The following EXOC6 variants were observed in gnomAD, a reference collection of about 807,000 sequenced individuals.
EXOC6 encodes SEC15-like 1.
A neutral mutation model predicts 112.5 loss-of-function variants in EXOC6; 60 were observed. The ratio of observed to expected loss-of-function variants is 0.53; its 90% CI spans 0.43 to 0.66. The LOEUF (loss-of-function observed/expected upper bound fraction) is 0.66, where lower values mean the gene tolerates loss of function less well. EXOC6 is among the 30% of genes least tolerant of loss of function. EXOC6 has a pLI of 0.00. For synonymous variants in EXOC6, 295 were observed against 308.0 expected (o/e 0.96, Z 0.44); for missense variants, 855 against 957.1 (o/e 0.89, Z 1.41).
At chr10:93,050,759 C>CAAAAAAAAAAAAAAAAAAAAAAAAAAA (rs58439083) in intron 20 of EXOC6, among the ~76,000 whole-genome samples, 1 of 37,308 alleles carries the variant, frequency 2.7e-5, no homozygotes, top group African/African-American at 1.1e-4. Context: ...GACTCCGTCT[C>CAAAAAAAAAAAAAAAAAAAAAAAAAAA]AAAAAAAAAA....
Position 92,899,564 on chromosome 10 carries a change from T to C in EXOC6, c.413-35T>C, listed in dbSNP as rs201434754. The C allele has an allele frequency of 7.7e-4, 1,124 of 1,455,106 alleles. 6 individuals carry two copies. The African/African-American group carries it at 0.014, about 18-fold the overall frequency. 90.1% of individuals were successfully genotyped at this position (1,455,106 alleles called of 1,614,324 possible). ...CATGTCTCAAAATATTTTCTTTTCATTTTGAAAGCTAAAATGTTATATTTT... is the reference window on the plus strand; with the variant it reads ...CATGTCTCAAAATATTTTCTTTTCACTTTGAAAGCTAAAATGTTATATTTT... On this transcript the variant is annotated intron_variant, in intron 4 of 21. Coordinates refer to ENST00000260762, the MANE Select transcript of EXOC6 (RefSeq NM_019053.6).
intron 9 of EXOC6, among the ~76,000 whole-genome samples, chr10:92,932,301 G>T (rs1852086349): frequency 6.6e-6 from 1 of 152,146 alleles, no homozygotes; most frequent in African/African-American, 2.4e-5. Flanking sequence ...GGTTCGGCAG[G>T]ATAATTCTCT....
At chr10:92,842,452 A>G (rs555270070) in intron 1 of EXOC6, among the ~76,000 whole-genome samples, 2 of 151,334 alleles carry the variant, frequency 1.3e-5, no homozygotes, top group Non-Finnish European at 2.9e-5. Context: ...CATCATCATC[A>G]TCATCATCAT....
intron 17 of EXOC6, among the ~76,000 whole-genome samples, chr10:92,971,782 T>A (rs1842308693): frequency 6.6e-6 from 1 of 152,238 alleles, no homozygotes; most frequent in Admixed American, 6.5e-5. Flanking sequence ...GTCTTATAAG[T>A]TCAACATCTG....
chr10:92,862,644 A>G (rs919833842), intron 1 of EXOC6, among the ~76,000 whole-genome samples: 7 of 152,180 alleles, frequency 4.6e-5, no homozygotes, highest in African/African-American at 1.4e-4. Flanking sequence ...GTATTTAGTT[A>G]TAGCAGTCCA....
Position 92,977,238 on chromosome 10 carries a change from CGCCCAACCATCCTCTCTCT to C in EXOC6, c.1953+3009_1953+3027del, listed in dbSNP as rs144346568. Among the ~76,000 whole-genome samples, 813 of 151,712 alleles carry C rather than the reference CGCCCAACCATCCTCTCTCT, an allele frequency of 5.4e-3. 2 individuals carry two copies. The highest frequency in any genetic ancestry group is 0.01 in the Non-Finnish European group (696 of 67,956). On this transcript the variant is annotated intron_variant, in intron 18 of 21. Coordinates refer to ENST00000260762, the MANE Select transcript of EXOC6 (RefSeq NM_019053.6). ...GGTTAATCTGGAACCTACACAGCTG[CGCCCAACCATCCTCTCTCT>C]GCTTGGAATGGGGAAAAAAAAAGGT...
chr10:92,990,109 C>G (rs780826951), intron 18 of EXOC6, among the ~76,000 whole-genome samples: 3 of 152,092 alleles, frequency 2.0e-5, no homozygotes, highest in African/African-American at 7.2e-5. Context: ...TCAAGGTCCA[C>G]TCTTTGAAAT....
chr10:92,827,450 G>C (rs1341595209), intron 1 of EXOC6, among the ~76,000 whole-genome samples: 1 of 125,534 alleles, frequency 8.0e-6, no homozygotes, highest in African/African-American at 2.9e-5. Flanking sequence ...CTGCAGCCTG[G>C]GCGACAGAGT....
intron 20 of EXOC6, among the ~76,000 whole-genome samples, chr10:93,043,301 G>A (rs562072626): frequency 2.0e-4 from 30 of 152,228 alleles, no homozygotes; most frequent in African/African-American, 7.2e-4. Context: ...CCCTAAAGTC[G>A]TTGCATACTC....
At chr10:92,888,245 T>A (rs911847784) in intron 1 of EXOC6, among the ~76,000 whole-genome samples, 1 of 152,160 alleles carries the variant, frequency 6.6e-6, no homozygotes, top group African/African-American at 2.4e-5. Context: ...TAAAAAAAAA[T>A]ATTGTTTTTC....
intron 20 of EXOC6, among the ~76,000 whole-genome samples, chr10:93,052,656 T>C (rs1846355002): frequency 6.6e-6 from 1 of 152,246 alleles, no homozygotes; most frequent in Non-Finnish European, 1.5e-5. Flanking sequence ...TTTTGCCTTT[T>C]CATTTTTATA....
intron 20 of EXOC6, among the ~76,000 whole-genome samples, chr10:93,048,049 G>T (rs575512941): frequency 6.6e-5 from 10 of 152,264 alleles, no homozygotes; most frequent in South Asian, 6.2e-4. Flanking sequence ...GCTAGTTCAT[G>T]TATGACCTAC....
At chr10:92,937,922 T>A (rs1437035635) in intron 12 of EXOC6, among the ~76,000 whole-genome samples, 1 of 152,166 alleles carries the variant, frequency 6.6e-6, no homozygotes, top group East Asian at 1.9e-4. Flanking sequence ...ATCTGTTAGA[T>A]CCATAACAAA....
intron 20 of EXOC6, among the ~76,000 whole-genome samples, chr10:93,044,363 T>C (rs930073989): frequency 3.3e-5 from 5 of 152,188 alleles, no homozygotes; most frequent in African/African-American, 1.2e-4. Context: ...TCTTTTTTAA[T>C]TGTTTGAGTA....
intron 19 of EXOC6, among the ~76,000 whole-genome samples, chr10:93,001,859 C>T (rs1481570043): frequency 6.6e-6 from 1 of 152,116 alleles, no homozygotes; most frequent in Non-Finnish European, 1.5e-5. Context: ...TCAATAATTC[C>T]TTATTCTTAT....
intron 1 of EXOC6, among the ~76,000 whole-genome samples, chr10:92,884,776 A>G (rs1831756797): frequency 6.6e-6 from 1 of 152,200 alleles, no homozygotes; most frequent in African/African-American, 2.4e-5. Context: ...AAAATAGTGT[A>G]AGGATATTAC....
At chr10:92,970,234 ATAT>A (rs1438754187) in intron 17 of EXOC6, among the ~76,000 whole-genome samples, 1 of 152,314 alleles carries the variant, frequency 6.6e-6, no homozygotes, top group East Asian at 1.9e-4. Flanking sequence ...TAGATCAAAA[ATAT>A]TTGGAAGAAA....
chr10:92,894,872 G>A (rs570036187), intron 3 of EXOC6, 31 bp downstream of exon 3: 31 of 1,611,100 alleles, frequency 1.9e-5, no homozygotes, highest in Admixed American at 8.3e-5. Flanking sequence ...TGGGTATTCA[G>A]TATGTAGTTG....
intron 20 of EXOC6, among the ~76,000 whole-genome samples, chr10:93,016,876 G>A (rs895582595): frequency 1.3e-5 from 2 of 151,286 alleles, no homozygotes; most frequent in South Asian, 4.2e-4. Flanking sequence ...GCAGTGGCGC[G>A]ATCTTGGCTC....
Sources: gnomAD v4.1 joint callset for allele counts (sites outside exome capture counted in the v4.1 genomes callset) on GRCh38, gnomAD v4.1.1 for gene constraint, MANE v1.5 for transcripts, NCBI Gene and HGNC (gene_info 2026-07-23, HGNC 2026-07-21) for gene names.